Variants in ITGA8 observed in about 807,000 individuals in gnomAD.
ITGA8 encodes integrin alpha-8.
A neutral mutation model predicts 142.3 loss-of-function variants in ITGA8; 91 were observed. That is an observed-to-expected ratio of 0.64 (90% confidence interval 0.54 to 0.76). ITGA8 has a LOEUF of 0.76. Ranked by LOEUF, ITGA8 falls within the 30% of genes least tolerant of loss-of-function variation. ITGA8 has a pLI of 0.00. For synonymous variants in ITGA8, 505 were observed against 485.2 expected (o/e 1.04, Z -0.54); for missense variants, 1,406 against 1,327.7 (o/e 1.06, Z -0.92).
chr10:15,597,421 A>T, intron 20 of ITGA8, 122 bp from the exon 21 acceptor site: 2 of 712,192 alleles, frequency 2.8e-6, no homozygotes. Context: ...ATAGTGCAAA[A>T]AAAGTAATTG....
chr10:15,684,240 C>G, intron 3 of ITGA8, 113 bp from the exon 4 acceptor site: 1 of 1,128,218 alleles, frequency 8.9e-7, no homozygotes, highest in Non-Finnish European at 1.2e-6. Flanking sequence ...AATTAATTGG[C>G]CTCTAGCATG....
intron 4 of ITGA8, among the ~76,000 whole-genome samples, chr10:15,682,479 G>A (rs1834755128): frequency 6.6e-6 from 1 of 152,128 alleles, no homozygotes; most frequent in African/African-American, 2.4e-5. Context: ...GTAATCTGAA[G>A]AAGTGTCTGA....
At chr10:15,558,681 A>G (rs1001761244) in intron 25 of ITGA8, among the ~76,000 whole-genome samples, 3 of 152,142 alleles carry the variant, frequency 2.0e-5, no homozygotes, top group African/African-American at 7.2e-5. Context: ...CCACATCCAC[A>G]TGGCTGAACC....
chr10:15,632,728 C>CA (rs1833705613), intron 13 of ITGA8, among the ~76,000 whole-genome samples: 5 of 149,458 alleles, frequency 3.3e-5, no homozygotes, highest in Admixed American at 2.7e-4. Flanking sequence ...CAAATCTGGG[C>CA]TTTTTTTTTT....
chr10:15,579,592 G>T (rs774863620), intron 23 of ITGA8, among the ~76,000 whole-genome samples: 2 of 151,932 alleles, frequency 1.3e-5, no homozygotes, highest in African/African-American at 2.4e-5. Flanking sequence ...TACATTAATT[G>T]TAAATTTTGA....
chr10:15,518,610 C>T (rs928276422), intron 29 of ITGA8, among the ~76,000 whole-genome samples: 7 of 152,274 alleles, frequency 4.6e-5, no homozygotes, highest in South Asian at 2.1e-4. Flanking sequence ...GTAACTGGGA[C>T]GTCATTTCCA....
chr10:15,521,674 C>T (rs1298092450), intron 28 of ITGA8, among the ~76,000 whole-genome samples: 2 of 152,190 alleles, frequency 1.3e-5, no homozygotes, highest in African/African-American at 4.8e-5. Flanking sequence ...TTTATTTCAT[C>T]TGACACATCA....
At chr10:15,616,740 AC>A (rs1477067838) in intron 13 of ITGA8, among the ~76,000 whole-genome samples, 181 bp from the exon 14 acceptor site, 1 of 79,576 alleles carries the variant, frequency 1.3e-5, no homozygotes, top group Non-Finnish European at 3.6e-5. Context: ...CTTCACTATA[AC>A]CAACTTAATA....
intron 2 of ITGA8, among the ~76,000 whole-genome samples, chr10:15,713,839 T>C (rs987741671): frequency 1.3e-5 from 2 of 152,172 alleles, no homozygotes; most frequent in East Asian, 1.9e-4. Context: ...TTGTCTTCCA[T>C]TTTAAGTTTT....
In ITGA8 at chr10:15,688,052, T is replaced by C. The variant is rs188596223; in HGVS notation, c.344-14A>G. 1.8e-5 allele frequency: 27 copies of C among 1,533,084 alleles called. 1 individual carries two copies. In the Admixed American group the frequency reaches 4.3e-4, roughly 25 times the overall value. The allele number at this position is 1,533,084 out of a possible 1,614,324, so 95.0% of individuals were successfully genotyped here. ...TCTTTCTGTTGTCTGTCAAAGAAGATAGGAAGAGTTAATAATTTGTAAAAT... is the reference window on the plus strand; with the variant it reads ...TCTTTCTGTTGTCTGTCAAAGAAGACAGGAAGAGTTAATAATTTGTAAAAT... On this transcript the variant is annotated splice_polypyrimidine_tract_variant and intron_variant, in intron 2 of 29. Coordinates refer to ENST00000378076, the MANE Select transcript of ITGA8 (RefSeq NM_003638.3).
intron 28 of ITGA8, among the ~76,000 whole-genome samples, chr10:15,523,765 A>C (rs993193381): frequency 1.3e-5 from 2 of 151,008 alleles, no homozygotes; most frequent in Admixed American, 1.3e-4. Flanking sequence ...CCAAAAAAAA[A>C]AAAAAAAAAA....
intron 10 of ITGA8, 87 bp downstream of exon 10, chr10:15,658,912 G>C (rs998885747): frequency 1.1e-6 from 1 of 924,446 alleles, no homozygotes; most frequent in African/African-American, 1.7e-5. Flanking sequence ...TTAAATATTT[G>C]TCAAATGGAT....
At chr10:15,600,112 T>A (rs1369609683) in intron 20 of ITGA8, among the ~76,000 whole-genome samples, 3 of 152,244 alleles carry the variant, frequency 2.0e-5, no homozygotes. Flanking sequence ...TACATTCTTT[T>A]TTAAAATTAC....
intron 28 of ITGA8, among the ~76,000 whole-genome samples, chr10:15,523,352 A>G (rs1380183873): frequency 3.3e-5 from 5 of 152,218 alleles, no homozygotes; most frequent in Non-Finnish European, 2.9e-5. Context: ...AAGTATAATG[A>G]AAATGTGAAA....
chr10:15,656,024 G>A (rs1388584386), intron 10 of ITGA8, among the ~76,000 whole-genome samples: 1 of 152,140 alleles, frequency 6.6e-6, no homozygotes, highest in African/African-American at 2.4e-5. Flanking sequence ...GGTCAAGGCT[G>A]CAGTGATCTG....
chr10:15,688,292 CA>C (rs1227323243), intron 2 of ITGA8, among the ~76,000 whole-genome samples: 45 of 50,348 alleles, frequency 8.9e-4, no homozygotes, highest in African/African-American at 2.4e-3. Context: ...CTGTCTCTAC[CA>C]AAAAATACCA....
intron 3 of ITGA8, among the ~76,000 whole-genome samples, chr10:15,687,354 C>T (rs560819937): frequency 5.9e-5 from 9 of 152,052 alleles, no homozygotes; most frequent in Admixed American, 5.2e-4. Flanking sequence ...ATTTTCTTCT[C>T]GGTAACTTAG....
intron 28 of ITGA8, among the ~76,000 whole-genome samples, chr10:15,527,913 T>TTC (rs1378985690): frequency 7.8e-6 from 1 of 127,664 alleles, no homozygotes; most frequent in African/African-American, 3.0e-5. Context: ...GGGCTTTTTT[T>TTC]TTTTTTTTTT....
At chr10:15,579,648 T>C (rs1834366519) in intron 23 of ITGA8, among the ~76,000 whole-genome samples, 2 of 152,022 alleles carry the variant, frequency 1.3e-5, no homozygotes, top group Admixed American at 1.3e-4. Context: ...TGTGTTTTTT[T>C]CTCTGATTTT....
Sources: gnomAD v4.1 joint callset for allele counts (sites outside exome capture counted in the v4.1 genomes callset) on GRCh38, gnomAD v4.1.1 for gene constraint, MANE v1.5 for transcripts, NCBI Gene and HGNC (gene_info 2026-07-23, HGNC 2026-07-21) for gene names.